The following NFIB variants were observed in gnomAD, a reference collection of about 807,000 sequenced individuals.
NFIB encodes the protein nuclear factor I B.
NFIB carries 11 observed loss-of-function variants against 61.5 expected under a neutral mutation model. That is an observed-to-expected ratio of 0.18 (90% CI 0.11 to 0.30). The LOEUF is 0.30. Among genes scored for constraint, NFIB ranks in the 10% least tolerant of loss-of-function variants. The pLI is 1.00. For synonymous variants in NFIB, 260 were observed against 216.5 expected, an observed-to-expected ratio of 1.20 and a Z score of -1.76; for missense variants, 471 against 608.9, an observed-to-expected ratio of 0.77 and a Z score of 2.38.
chr9:14,398,976 G>A (rs183441053), exon 1 of NFIB: 121 of 240,552 alleles, frequency 5.0e-4, no homozygotes, highest in African/African-American at 2.5e-3. Context: ...GACCTGTACT[G>A]CCCAATATAG....
the NFIB span, among the ~76,000 whole-genome samples, chr9:14,467,981 A>G: frequency 6.6e-6 from 1 of 152,212 alleles, no homozygotes; most frequent in South Asian, 2.1e-4. Context: ...TATGACTTTA[A>G]TCCTGTGGAG....
chr9:14,353,922 G>A (rs947641944), intron 1 of NFIB, among the ~76,000 whole-genome samples: 5 of 149,384 alleles, frequency 3.3e-5, no homozygotes, highest in African/African-American at 5.0e-5. Flanking sequence ...GTAGCCTGGT[G>A]CAGTGGAAAG....
the NFIB span, among the ~76,000 whole-genome samples, chr9:14,467,894 A>C: frequency 3.9e-4 from 60 of 152,354 alleles, no homozygotes; most frequent in African/African-American, 1.3e-3. Flanking sequence ...AGTGAGATTT[A>C]ATAACAATGT....
chr9:14,424,820 GA>G, the NFIB span, among the ~76,000 whole-genome samples: 3 of 152,142 alleles, frequency 2.0e-5, no homozygotes, highest in Non-Finnish European at 2.9e-5. Flanking sequence ...CATATCTGGG[GA>G]TAAGTCTGGT....
At chr9:14,288,631 A>G (rs1464695378) in intron 2 of NFIB, among the ~76,000 whole-genome samples, 1 of 152,066 alleles carries the variant, frequency 6.6e-6, no homozygotes, top group African/African-American at 2.4e-5. Flanking sequence ...GCAGTCACAC[A>G]GGGTTCCCTC....
At chr9:14,304,986 C>A (rs925620479) in intron 2 of NFIB, among the ~76,000 whole-genome samples, 2 of 152,148 alleles carry the variant, frequency 1.3e-5, no homozygotes, top group East Asian at 3.9e-4. Flanking sequence ...AAGTTATATA[C>A]ACAAGATAAA....
chr9:14,495,445 A>ATTTTTTTTTTTTTTTTTTTTTT, the NFIB span, among the ~76,000 whole-genome samples: 4 of 98,088 alleles, frequency 4.1e-5, no homozygotes, highest in Non-Finnish European at 5.7e-5. Flanking sequence ...AGAGAAATGA[A>ATTTTTTTTTTTTTTTTTTTTTT]CTTTTTTTTT....
At chr9:14,444,757 T>A in the NFIB span, among the ~76,000 whole-genome samples, 3 of 152,214 alleles carry the variant, frequency 2.0e-5, no homozygotes, top group Non-Finnish European at 4.4e-5. Context: ...AAAACATATG[T>A]ACATCATTAA....
chr9:14,206,406 C>T (rs552372960), intron 2 of NFIB, among the ~76,000 whole-genome samples: 1 of 152,058 alleles, frequency 6.6e-6, no homozygotes, highest in Admixed American at 6.5e-5. Context: ...TGAGCTCAAG[C>T]AATCTTCCTG....
At chr9:14,362,778 C>T (rs533654619) in intron 1 of NFIB, 2 of 152,172 alleles carry the variant, frequency 1.3e-5, no homozygotes, top group East Asian at 3.9e-4. Flanking sequence ...ACCTGCAGTC[C>T]CCGCTACTTG....
At chr9:14,342,156 G>A (rs1238195954) in intron 1 of NFIB, among the ~76,000 whole-genome samples, 1 of 152,174 alleles carries the variant, frequency 6.6e-6, no homozygotes, top group Admixed American at 6.5e-5. Context: ...GCTGGATTAT[G>A]GGTAAGGGTC....
Position 14,113,062 on chromosome 9 carries a change from T to C in NFIB, c.1404A>G (p.Thr468=). Residue 468 remains threonine (T), a synonymous_variant, in exon 10 of 11, where the codon ACA becomes ACG. Transcript: ENST00000380953. ...TSTEAYTASG[T]SQANRYVGLS... ...GTCCCACATATCGATTGGCTTGAGA[T>C]GTGCCTGAGGCTGTGTAGGCTGATT... 1.3e-6 allele frequency: 2 copies of C among 1,550,206 alleles called. No individual in the cohort carries two copies. The highest frequency in any genetic ancestry group is 8.7e-7 in the Non-Finnish European group (1 of 1,146,804).
the NFIB span, among the ~76,000 whole-genome samples, chr9:14,494,476 G>C: frequency 6.6e-6 from 1 of 152,148 alleles, no homozygotes. Flanking sequence ...TGCTGTATTG[G>C]GAGGTCCTTC....
the NFIB span, among the ~76,000 whole-genome samples, chr9:14,465,779 C>T: frequency 6.6e-6 from 1 of 152,158 alleles, no homozygotes; most frequent in African/African-American, 2.4e-5. Context: ...CATTTGGGGC[C>T]GAGACAATTC....
chr9:14,235,584 G>A (rs765186510), intron 2 of NFIB, among the ~76,000 whole-genome samples: 18 of 152,090 alleles, frequency 1.2e-4, no homozygotes, highest in Non-Finnish European at 2.4e-4. Context: ...CAAGAATTAC[G>A]AAGCACAGTT....
At chr9:14,364,114 T>C (rs532775536) in intron 1 of NFIB, among the ~76,000 whole-genome samples, 1 of 152,336 alleles carries the variant, frequency 6.6e-6, no homozygotes, top group Admixed American at 6.5e-5. Flanking sequence ...GAGTATTTCA[T>C]TTTTAATAGC....
chr9:14,526,118 C>T, the NFIB span, among the ~76,000 whole-genome samples: 84,690 of 151,322 alleles, frequency 0.56, 24,163 homozygotes, highest in Non-Finnish European at 0.62. Context: ...CTACATTTCC[C>T]AGGATTCAGC....
chr9:14,503,451 GTTGT>G, the NFIB span, among the ~76,000 whole-genome samples: 9 of 151,950 alleles, frequency 5.9e-5, no homozygotes, highest in East Asian at 5.8e-4. Context: ...ACCAACATCT[GTTGT>G]TTGTTTTTTT....
intron 2 of NFIB, among the ~76,000 whole-genome samples, chr9:14,297,571 A>G (rs903100374): frequency 6.6e-5 from 10 of 152,210 alleles, no homozygotes; most frequent in Admixed American, 2.0e-4. Context: ...CTATTTTCAG[A>G]TATTTTCTAG....
Sources: gnomAD v4.1 joint callset for allele counts (sites outside exome capture counted in the v4.1 genomes callset) on GRCh38, gnomAD v4.1.1 for gene constraint, MANE v1.5 for transcripts, NCBI Gene and HGNC (gene_info 2026-07-23, HGNC 2026-07-21) for gene names.